Variants in MAML2 observed in about 807,000 individuals in gnomAD.
The protein encoded by MAML2 is mastermind like transcriptional coactivator 2, also known as mastermind-like protein 2.
In MAML2, 22 loss-of-function variants were observed where a neutral mutation model predicts 96.1. The ratio of observed to expected loss-of-function variants is 0.23; its 90% CI spans 0.16 to 0.33. The LOEUF (loss-of-function observed/expected upper bound fraction) is 0.33. Ranked by LOEUF, MAML2 falls within the 10% of genes least tolerant of loss-of-function variation. The pLI is 1.00. For missense variants in MAML2, 1,367 were observed against 1,392.4 expected, an observed-to-expected ratio of 0.98 and a Z score of 0.29; for synonymous variants, 561 against 521.3, an observed-to-expected ratio of 1.08 and a Z score of -1.04.
intron 1 of MAML2, among the ~76,000 whole-genome samples, chr11:96,128,118 G>T (rs1015029330): frequency 6.6e-6 from 1 of 152,140 alleles, no homozygotes; most frequent in Non-Finnish European, 1.5e-5. Flanking sequence ...ATCCAGCCGT[G>T]TGCAGTGGCT....
At chr11:96,016,507 G>T (rs1210153361) in intron 2 of MAML2, among the ~76,000 whole-genome samples, 2 of 152,130 alleles carry the variant, frequency 1.3e-5, no homozygotes, top group African/African-American at 2.4e-5. Flanking sequence ...TACTTCTGTT[G>T]ATGTTTTAGA....
Position 96,189,450 on chromosome 11 carries a change from T to A in MAML2, c.514-95933A>T, listed in dbSNP as rs140265008. ...CTTTGAATTCTCCATTTGAAATACC[T>A]GAAATAAGCTTAAACACTATTGCGG... On this transcript the variant is annotated intron_variant, in intron 1 of 4. Coordinates refer to ENST00000524717, the MANE Select transcript of MAML2 (RefSeq NM_032427.4). 4.2e-3 allele frequency among the ~76,000 whole-genome samples: 638 copies of A among 152,338 alleles called. 7 individuals carry two copies. Among genetic ancestry groups the A allele is most frequent in the African/African-American group, 0.014 (594 of 41,570 alleles).
rs74727164 is a variant in MAML2 at position 96,262,912 on chromosome 11, C to G, written c.513+78471G>C. 5.3e-5 allele frequency among the ~76,000 whole-genome samples: 8 copies of G among 152,156 alleles called. No homozygotes were observed. In the East Asian group the frequency reaches 1.5e-3, roughly 29 times the overall value. The stretch of plus-strand genomic sequence containing the variant: ...CAATCCTATCATCCATTAATAAAAT[C>G]AAAGGAGTCATGTTTACTTTGCACC... On this transcript the variant is annotated intron_variant, in intron 1 of 4. Transcript: ENST00000524717.
intron 1 of MAML2, among the ~76,000 whole-genome samples, chr11:96,297,831 T>C (rs1306064947): frequency 6.6e-6 from 1 of 152,204 alleles, no homozygotes; most frequent in Non-Finnish European, 1.5e-5. Flanking sequence ...AATTACTTAG[T>C]ATGCATCTCT....
chr11:96,187,864 CTCTGA>C (rs1319639735), intron 1 of MAML2, among the ~76,000 whole-genome samples: 2 of 152,028 alleles, frequency 1.3e-5, no homozygotes, highest in African/African-American at 2.4e-5. Flanking sequence ...TTCTCCTCTG[CTCTGA>C]TATTTTTCAC....
intron 2 of MAML2, among the ~76,000 whole-genome samples, chr11:96,079,628 G>T (rs144908600): frequency 6.6e-6 from 1 of 152,264 alleles, no homozygotes; most frequent in East Asian, 1.9e-4. Context: ...AACAAATGAG[G>T]CTTACCTCCT....
intron 1 of MAML2, among the ~76,000 whole-genome samples, chr11:96,103,988 TCTCCTATCATAGTTAG>T (rs1349673177): frequency 1.3e-5 from 2 of 152,238 alleles, no homozygotes; most frequent in Non-Finnish European, 2.9e-5. Flanking sequence ...AACTCTTCCT[TCTCCTATCATAGTTAG>T]CTCCTTCTTT....
At chr11:96,161,676 G>A (rs1360184652) in intron 1 of MAML2, among the ~76,000 whole-genome samples, 1 of 152,124 alleles carries the variant, frequency 6.6e-6, no homozygotes, top group Non-Finnish European at 1.5e-5. Flanking sequence ...TTTGTTTCAC[G>A]TTCAGCATTC....
Position 96,196,165 on chromosome 11 carries a change from T to C in MAML2, c.514-102648A>G, listed in dbSNP as rs376667143. The stretch of plus-strand genomic sequence containing the variant: ...GTGACTATTGTTAATTAATGTTTTC[T>C]ACACACATTATTAGTGAATGCATGC... On this transcript the variant is annotated intron_variant, in intron 1 of 4. Coordinates refer to ENST00000524717, the MANE Select transcript of MAML2 (RefSeq NM_032427.4). 1.7e-4 allele frequency among the ~76,000 whole-genome samples: 26 copies of C among 152,250 alleles called. No individual in the cohort carries two copies. In the East Asian group the frequency reaches 1.7e-3, roughly 10 times the overall value.
chr11:96,192,161 G>A (rs1174249761), intron 1 of MAML2, among the ~76,000 whole-genome samples: 1 of 152,192 alleles, frequency 6.6e-6, no homozygotes, highest in Non-Finnish European at 1.5e-5. Context: ...AAAGCCGAGG[G>A]TCGAGGCTGG....
chr11:96,342,432 A>C lies in MAML2; in HGVS notation c.-537T>G. 1 of 398,770 alleles carries C rather than the reference A, an allele frequency of 2.5e-6. No homozygotes were observed. The highest frequency in any genetic ancestry group is 4.4e-6 in the Non-Finnish European group (1 of 226,190). The allele number at this position is 398,770 out of a possible 1,614,324, so 24.7% of individuals were successfully genotyped here. ...CATGTCTATGTAACCAGCAGCCTTG[A>C]CTTTTCCTCAGGTTAAATAAAAAAC... On this transcript the variant is annotated 5_prime_UTR_variant, in exon 1 of 5. Transcript: ENST00000524717.
intron 2 of MAML2, among the ~76,000 whole-genome samples, chr11:96,039,742 C>T (rs1219990671): frequency 1.3e-5 from 2 of 152,090 alleles, no homozygotes; most frequent in East Asian, 1.9e-4. Flanking sequence ...GTCAGGAGAT[C>T]GAGACCATCC....
chr11:96,043,679 T>C (rs1335009596), intron 2 of MAML2, among the ~76,000 whole-genome samples: 2 of 152,286 alleles, frequency 1.3e-5, no homozygotes, highest in Non-Finnish European at 2.9e-5. Context: ...GAATGTCTGG[T>C]TGAATAATTC....
At chr11:96,229,502 G>A (rs1280107736) in intron 1 of MAML2, among the ~76,000 whole-genome samples, 1 of 149,392 alleles carries the variant, frequency 6.7e-6, no homozygotes, top group African/African-American at 2.5e-5. Context: ...TACCTCGTGT[G>A]TCATGTTGTA....
intron 2 of MAML2, among the ~76,000 whole-genome samples, chr11:96,088,402 G>A (rs781080555): frequency 2.0e-5 from 3 of 152,068 alleles, no homozygotes; most frequent in Non-Finnish European, 2.9e-5. Flanking sequence ...ATCACTTTTT[G>A]GTTCAAGAGG....
chr11:95,979,812 C>A lies in MAML2; in HGVS notation c.2607G>T (p.Met869Ile). Residue 869 changes from methionine (M) to isoleucine (I), a missense_variant, in exon 5 of 5, where the codon ATG becomes ATT. Met to Ile is a conservative substitution (Grantham distance 10, BLOSUM62 1). Coordinates refer to ENST00000524717, the MANE Select transcript of MAML2 (RefSeq NM_032427.4). ...SLSTAVQNMG[M>I]YGNLPCNQPN... ...GTTGATTACAAGGCAGATTTCCATA[C>A]ATCCCCATATTCTGAACTGCTGTAG... 6.2e-7 allele frequency: 1 copy of A among 1,613,954 alleles called. No homozygotes were observed. Among genetic ancestry groups the A allele is most frequent in the Non-Finnish European group, 8.5e-7 (1 of 1,179,880 alleles).
chr11:96,066,456 T>C (rs1199308977), intron 2 of MAML2, among the ~76,000 whole-genome samples: 4 of 152,150 alleles, frequency 2.6e-5, no homozygotes, highest in African/African-American at 4.8e-5. Flanking sequence ...AGAGGATGAA[T>C]AAAATTATAT....
intron 1 of MAML2, among the ~76,000 whole-genome samples, chr11:96,208,264 G>C (rs1861922157): frequency 6.6e-6 from 1 of 152,106 alleles, no homozygotes; most frequent in Non-Finnish European, 1.5e-5. Flanking sequence ...TCACCTCCTA[G>C]CTTCCCAATT....
At chr11:96,249,219 C>T (rs1012447559) in intron 1 of MAML2, among the ~76,000 whole-genome samples, 4 of 152,102 alleles carry the variant, frequency 2.6e-5, no homozygotes, top group African/African-American at 9.7e-5. Flanking sequence ...TATGTTCTCT[C>T]CCTCACTTCT....
Sources: allele counts gnomAD v4.1 joint callset (sites outside exome capture counted in the v4.1 genomes callset), GRCh38; gene constraint gnomAD v4.1.1; transcripts MANE v1.5; gene names NCBI Gene and HGNC (gene_info 2026-07-23, HGNC 2026-07-21).